Variants in TBC1D24 observed in about 807,000 individuals in gnomAD.
The protein encoded by TBC1D24 is TBC1 domain family member 24.
A neutral mutation model predicts 50.7 loss-of-function variants in TBC1D24; 47 were observed. That is an observed-to-expected ratio of 0.93 (90% CI 0.73 to 1.18). The LOEUF is 1.18. Among genes scored for constraint, TBC1D24 ranks in the 50% most tolerant of loss-of-function variants. The pLI is 0.00. For missense variants in TBC1D24, 688 were observed against 766.5 expected, an observed-to-expected ratio of 0.90 and a Z score of 1.21; for synonymous variants, 324 against 335.2, an observed-to-expected ratio of 0.97 and a Z score of 0.36.
Position 2,496,067 on chromosome 16 carries a change from C to T in TBC1D24, c.-82C>T, listed in dbSNP as rs2065734021. ...ATGGCAGACAGGTTTGCAGGAAACC[C>T]TCAGAAAGGGGGCTGGAGGATTTAG... On this transcript the variant is annotated 5_prime_UTR_variant, in exon 2 of 8. Coordinates refer to ENST00000646147, the MANE Select transcript of TBC1D24 (RefSeq NM_001199107.2). 2 of 1,580,964 alleles carry T rather than the reference C, an allele frequency of 1.3e-6. No individual in the cohort carries two copies. The highest frequency in any genetic ancestry group is 1.8e-5 in the Admixed American group (1 of 56,308).
intron 1 of TBC1D24, chr16:2,480,607 G>A (rs951265522): frequency 4.0e-5 from 6 of 151,644 alleles, no homozygotes; most frequent in Non-Finnish European, 1.5e-5. Flanking sequence ...TCCAGTAAAA[G>A]CCCTTCCACT....
chr16:2,495,491 A>G (rs1377867037), intron 1 of TBC1D24, among the ~76,000 whole-genome samples: 1 of 152,142 alleles, frequency 6.6e-6, no homozygotes, highest in Non-Finnish European at 1.5e-5. Flanking sequence ...ACAAAAAAAT[A>G]AAAAATTAGG....
chr16:2,477,839 A>G (rs1230170781), intron 1 of TBC1D24: 3 of 152,304 alleles, frequency 2.0e-5, no homozygotes, highest in Non-Finnish European at 2.9e-5. Context: ...AGGACCGGCA[A>G]GAACAAGTGA....
chr16:2,494,978 C>T (rs1012697580), intron 1 of TBC1D24, among the ~76,000 whole-genome samples: 3 of 151,016 alleles, frequency 2.0e-5, no homozygotes, highest in Non-Finnish European at 4.4e-5. Flanking sequence ...TCAAGGCCAA[C>T]CTGGGTGACA....
Position 2,498,380 on chromosome 16 carries a change from G to A in TBC1D24, c.1126G>A (p.Gly376Arg), listed in dbSNP as rs796053408. 8 of 1,606,838 alleles carry A rather than the reference G, an allele frequency of 5.0e-6. No individual in the cohort carries two copies. Among genetic ancestry groups the A allele is most frequent in the South Asian group, 2.2e-5 (2 of 89,676 alleles). ...PLLLFSSLQHGYSLARFYFQC... is the reference protein window; with the variant it reads ...PLLLFSSLQHRYSLARFYFQC... ...TCTGCTGTTCTCCTCCCTGCAGCAC[G>A]GGTACAGCCTGGCCAGGTAACACCC... The change falls in exon 4 of 8, where the codon GGG (glycine) becomes AGG (arginine). Residue 376 changes from glycine to arginine, a missense_variant. Transcript: ENST00000646147.
rs2065808617 is a variant in TBC1D24, at chr16:2,503,226, T to C, written c.*2268T>C. On this transcript the variant is annotated 3_prime_UTR_variant, in exon 8 of 8. Transcript: ENST00000646147. Reference sequence around the variant, plus strand: ...CCACATCATGAGCGAAGTTCTTTGTTTTTTGTGTGCATGCAAAATATTGTT... The same window carrying C: ...CCACATCATGAGCGAAGTTCTTTGTCTTTTGTGTGCATGCAAAATATTGTT... The C allele has an allele frequency of 6.6e-6, 1 of 152,264 alleles. No individual in the cohort carries two copies. Among genetic ancestry groups the C allele is most frequent in the African/African-American group, 2.4e-5 (1 of 41,474 alleles). The allele number at this position is 152,264 out of a possible 1,614,324, so 9.4% of individuals were successfully genotyped here. A position where few individuals can be genotyped will look rare whatever the true frequency, so the allele number is the denominator to read the frequency against.
chr16:2,498,403 C>A lies in TBC1D24; in HGVS notation c.1142+7C>A, dbSNP rs1364280797. On this transcript the variant is annotated splice_region_variant and intron_variant, in intron 4 of 7. Transcript: ENST00000646147. ...ACGGGTACAGCCTGGCCAGGTAACA[C>A]CCCAAGGGGCCAGAGCGGGCGGCAG... 1.9e-6 allele frequency: 3 copies of A among 1,599,918 alleles called. No individual in the cohort carries two copies. The highest frequency in any genetic ancestry group is 2.2e-5 in the East Asian group (1 of 44,452).
chr16:2,496,943 G>A lies in TBC1D24; in HGVS notation c.795G>A (p.Val265=). 1.2e-6 allele frequency: 2 copies of A among 1,614,044 alleles called. No homozygotes were observed. The highest frequency in any genetic ancestry group is 1.7e-6 in the Non-Finnish European group (2 of 1,180,038). Residue 265 remains valine (V), a synonymous_variant, in exon 2 of 8, where the codon GTG becomes GTA. Coordinates refer to ENST00000646147, the MANE Select transcript of TBC1D24 (RefSeq NM_001199107.2). ...RAGQPLESDS[V]KQDIRTFVRD... is the part of the protein sequence containing the mutation. ...GGCAGCCGCTGGAGTCGGACAGCGT[G>A]AAGCAGGACATCCGCACGTTCGTCA...
rs183712092 is a variant in TBC1D24 at position 2,503,757 on chromosome 16, A to C, written c.*2799A>C. ...GTATTTTTAGTAGAGGCAGGGTTTC[A>C]CTGTGTTGGTCAGGCTGGTCTTGAA... On this transcript the variant is annotated 3_prime_UTR_variant, in exon 8 of 8. Transcript: ENST00000646147. The C allele has an allele frequency of 6.6e-6, 1 of 151,954 alleles. No homozygotes were observed. The highest frequency in any genetic ancestry group is 1.5e-5 in the Non-Finnish European group (1 of 67,990). 9.4% of individuals were successfully genotyped at this position (151,954 alleles called of 1,614,324 possible).
intron 2 of TBC1D24, 82 bp downstream of exon 2, chr16:2,497,195 G>T: frequency 2.5e-6 from 4 of 1,573,102 alleles, no homozygotes; most frequent in Non-Finnish European, 2.6e-6. Flanking sequence ...TCATCCTGCC[G>T]GCCTCCAGGC....
intron 1 of TBC1D24, chr16:2,479,373 G>A (rs1022900777): frequency 1.3e-5 from 2 of 152,178 alleles, no homozygotes; most frequent in Non-Finnish European, 1.5e-5. Context: ...CGTCTCAGAC[G>A]TTCCCACAGG....
rs2065619443 is a variant in TBC1D24, at chr16:2,482,782, G to A, written c.-116+7612G>A. On this transcript the variant is annotated intron_variant, in intron 1 of 7. Coordinates refer to ENST00000646147, the MANE Select transcript of TBC1D24 (RefSeq NM_001199107.2). This position sits in a 1 kb window ranked among gnomAD's most constrained non-coding sequence, Gnocchi z 5.2. ...GGATTCTAGGCTCAGGAGAGGGTGGGCTCCATTGGAGAGACAGGCACGGGC... is the reference window on the plus strand; with the variant it reads ...GGATTCTAGGCTCAGGAGAGGGTGGACTCCATTGGAGAGACAGGCACGGGC... 6.6e-6 allele frequency among the ~76,000 whole-genome samples: 1 copy of A among 152,150 alleles called. No homozygotes were observed. The highest frequency in any genetic ancestry group is 2.4e-5 in the African/African-American group (1 of 41,424).
rs759729896 is a variant in TBC1D24 at position 2,498,299 on chromosome 16, G to C, written c.1045G>C (p.Glu349Gln). The C allele has an allele frequency of 6.2e-7, 1 of 1,611,746 alleles. No homozygotes were observed. Among genetic ancestry groups the C allele is most frequent in the East Asian group, 2.2e-5 (1 of 44,844 alleles). The change falls in exon 4 of 8, where the codon GAG becomes CAG. Residue 349 changes from glutamate to glutamine, a missense_variant. By Grantham distance (29) the Glu-to-Gln change is conservative. Transcript: ENST00000646147. ...CCGCTCGGAGATCGTCAGCGTGAGG[G>C]AGATGAGAGACATCTGGTCCTGGGT... The part of the protein sequence containing the change: ...NFRSEIVSVR[E>Q]MRDIWSWVPE...
chr16:2,501,180 G>T lies in TBC1D24; in HGVS notation c.*222G>T. 1 of 609,462 alleles carries T rather than the reference G, an allele frequency of 1.6e-6. No individual in the cohort carries two copies. The highest frequency in any genetic ancestry group is 2.0e-5 in the South Asian group (1 of 50,764). The allele number at this position is 609,462 out of a possible 1,614,324, so 37.8% of individuals were successfully genotyped here. ...CCTGCATCTGGGTCAGAGCTGGAGGGCCTGCTGTGCCCCCAGCCCCACCCA... is the reference window on the plus strand; with the variant it reads ...CCTGCATCTGGGTCAGAGCTGGAGGTCCTGCTGTGCCCCCAGCCCCACCCA... On this transcript the variant is annotated 3_prime_UTR_variant, in exon 8 of 8. Coordinates refer to ENST00000646147, the MANE Select transcript of TBC1D24 (RefSeq NM_001199107.2).
At chr16:2,477,746 G>A (rs867771693) in intron 1 of TBC1D24, 2 of 152,234 alleles carry the variant, frequency 1.3e-5, no homozygotes, top group African/African-American at 2.4e-5. Flanking sequence ...AGCCTTCTGT[G>A]GGCGCAAAGG....
At chr16:2,490,323 G>T (rs933412320) in intron 1 of TBC1D24, among the ~76,000 whole-genome samples, 1 of 152,238 alleles carries the variant, frequency 6.6e-6, no homozygotes, top group African/African-American at 2.4e-5. Context: ...TGGCAGCTGG[G>T]CTGACAGGTG....
intron 1 of TBC1D24, chr16:2,479,597 G>C (rs947967949): frequency 2.0e-5 from 3 of 152,446 alleles, no homozygotes; most frequent in African/African-American, 7.2e-5. Flanking sequence ...AATGGATGAG[G>C]CCGGGGAAAG....
Position 2,482,488 on chromosome 16 carries a change from C to T in TBC1D24, c.-116+7318C>T, listed in dbSNP as rs1228700005. On this transcript the variant is annotated intron_variant, in intron 1 of 7. Coordinates refer to ENST00000646147, the MANE Select transcript of TBC1D24 (RefSeq NM_001199107.2). This position sits in a 1 kb window ranked among gnomAD's most constrained non-coding sequence, Gnocchi z 5.2. ...CTGCCACTCTGAACAGTGACATTCC[C>T]ACAGTGTAGTGTGGGGACTGCAGTT... Among the ~76,000 whole-genome samples, 2 of 152,156 alleles carry T rather than the reference C, an allele frequency of 1.3e-5. No homozygotes were observed. Among genetic ancestry groups the T allele is most frequent in the Admixed American group, 6.5e-5 (1 of 15,276 alleles).
chr16:2,495,403 T>TG (rs1313823475), intron 1 of TBC1D24, among the ~76,000 whole-genome samples: 1 of 152,072 alleles, frequency 6.6e-6, no homozygotes, highest in Non-Finnish European at 1.5e-5. Context: ...CCCAACATTT[T>TG]GGGAGGCCAA....
Sources: gnomAD v4.1 joint callset for allele counts (sites outside exome capture counted in the v4.1 genomes callset) on GRCh38, gnomAD v4.1.1 for gene constraint, Gnocchi (gnomAD v3.1) non-coding constraint, MANE v1.5 for transcripts, NCBI Gene and HGNC (gene_info 2026-07-23, HGNC 2026-07-21) for gene names.